Variants in FBXL13 observed in about 807,000 individuals in gnomAD.
FBXL13 encodes the protein F-box and leucine-rich repeat protein 13.
A neutral mutation model predicts 83.6 loss-of-function variants in FBXL13; 67 were observed. The observed-to-expected ratio is 0.80, with a 90% CI of 0.66 to 0.98. The LOEUF (loss-of-function observed/expected upper bound fraction) is 0.98. Ranked by LOEUF, FBXL13 falls within the 50% of genes least tolerant of loss-of-function variation. The pLI is 0.00. For missense variants in FBXL13, 822 were observed against 866.5 expected (o/e 0.95, Z 0.64); for synonymous variants, 272 against 299.5 (o/e 0.91, Z 0.95).
At chr7:102,934,805 C>A in intron 8 of FBXL13, 1 of 931,868 alleles carries the variant, frequency 1.1e-6, no homozygotes, top group Non-Finnish European at 1.6e-6. Flanking sequence ...ACCAGAAATC[C>A]TTCCCTATTG....
chr7:102,972,225 G>A (rs975849991), intron 6 of FBXL13, among the ~76,000 whole-genome samples: 3 of 152,014 alleles, frequency 2.0e-5, no homozygotes, highest in Admixed American at 6.6e-5. Flanking sequence ...TGATGAAAAC[G>A]TGGGGGTAGA....
chr7:102,973,285 C>T, intron 6 of FBXL13: 1 of 484,098 alleles, frequency 2.1e-6, no homozygotes. Flanking sequence ...TCCCAAGGCA[C>T]AAGGCCACTT....
In FBXL13 at chr7:102,816,921, C is replaced by T. The variant is rs145695761; in HGVS notation, c.2019-3390G>A. 0.014 allele frequency among the ~76,000 whole-genome samples: 2,142 copies of T among 152,328 alleles called. 119 individuals carry two copies. In the East Asian group the frequency reaches 0.16, roughly 11 times the overall value. ...ATGGCCTCCAGCCGCATCCATGTTG[C>T]TGCAAAGGACATGATTTCATTATTT... is the stretch of plus-strand genomic sequence containing the variant. On this transcript the variant is annotated intron_variant, in intron 19 of 19. Transcript: ENST00000313221.
chr7:102,956,247 G>A (rs1160744042), intron 8 of FBXL13, among the ~76,000 whole-genome samples: 1 of 152,052 alleles, frequency 6.6e-6, no homozygotes, highest in African/African-American at 2.4e-5. Flanking sequence ...ATCAATAAAC[G>A]TAATCTATCA....
intron 11 of FBXL13, among the ~76,000 whole-genome samples, chr7:102,910,273 G>C (rs1049122351): frequency 5.3e-5 from 8 of 152,114 alleles, no homozygotes; most frequent in Non-Finnish European, 8.8e-5. Flanking sequence ...GGCGATTCAG[G>C]ACTATTGTTT....
chr7:102,863,290 A>T (rs1021477393), intron 16 of FBXL13, among the ~76,000 whole-genome samples: 1 of 152,094 alleles, frequency 6.6e-6, no homozygotes, highest in Admixed American at 6.6e-5. Context: ...AACCTAGGGT[A>T]TTTGATATTT....
intron 11 of FBXL13, among the ~76,000 whole-genome samples, chr7:102,906,347 A>G (rs971551789): frequency 1.3e-5 from 2 of 152,156 alleles, no homozygotes; most frequent in Non-Finnish European, 2.9e-5. Flanking sequence ...GTTATTTTTA[A>G]TTGGTTCATC....
At chr7:102,995,919 T>C (rs1789740178) in intron 6 of FBXL13, among the ~76,000 whole-genome samples, 2 of 152,244 alleles carry the variant, frequency 1.3e-5, no homozygotes, top group Non-Finnish European at 2.9e-5. Context: ...CCAATTATTC[T>C]ACACATTTCC....
intron 18 of FBXL13, among the ~76,000 whole-genome samples, chr7:102,831,655 C>T (rs1400501034): frequency 4.6e-5 from 7 of 152,122 alleles, no homozygotes; most frequent in Non-Finnish European, 1.0e-4. Context: ...CAAAGGTACA[C>T]GGTGCTCCCA....
At chr7:102,944,315 T>C in intron 8 of FBXL13, 1 of 1,614,118 alleles carries the variant, frequency 6.2e-7, no homozygotes, top group Middle Eastern at 1.7e-4. Context: ...TTGAAACTCT[T>C]GTGGCTCAGA....
chr7:102,860,807 C>T (rs766355963), intron 16 of FBXL13, among the ~76,000 whole-genome samples: 2 of 151,818 alleles, frequency 1.3e-5, no homozygotes, highest in East Asian at 1.9e-4. Context: ...TTCAAATGTA[C>T]GGAAAGGTTT....
At chr7:102,916,238 C>T (rs934635811) in intron 10 of FBXL13, among the ~76,000 whole-genome samples, 1 of 152,096 alleles carries the variant, frequency 6.6e-6, no homozygotes, top group Non-Finnish European at 1.5e-5. Flanking sequence ...CCGCCCACCT[C>T]GGCCTCCCAA....
chr7:102,903,944 T>TTTTTC (rs1563068160), intron 11 of FBXL13, among the ~76,000 whole-genome samples: 1 of 47,778 alleles, frequency 2.1e-5, no homozygotes, highest in African/African-American at 2.8e-4. Context: ...CTTTTCTTTT[T>TTTTTC]TTTTTTTTTT....
At chr7:102,935,515 C>T (rs1820150287) in intron 8 of FBXL13, among the ~76,000 whole-genome samples, 1 of 152,100 alleles carries the variant, frequency 6.6e-6, no homozygotes, top group South Asian at 2.1e-4. Context: ...GGAAATCTTT[C>T]TAGAATATTA....
At chr7:102,942,339 T>C (rs1821623107) in intron 8 of FBXL13, 3 of 1,588,980 alleles carry the variant, frequency 1.9e-6, no homozygotes, top group South Asian at 2.3e-5. Flanking sequence ...TGATTTTTGC[T>C]GTGGTAAGTA....
At chr7:102,826,112 A>G (rs1799581620) in intron 18 of FBXL13, among the ~76,000 whole-genome samples, 1 of 152,140 alleles carries the variant, frequency 6.6e-6, no homozygotes, top group Non-Finnish European at 1.5e-5. Context: ...AGTTTGCTGA[A>G]TTATACTTTT....
At chr7:102,965,865 C>T (rs1192084672) in intron 7 of FBXL13, among the ~76,000 whole-genome samples, 4 of 152,158 alleles carry the variant, frequency 2.6e-5, no homozygotes, top group Admixed American at 2.6e-4. Flanking sequence ...GTCTAAAGTC[C>T]AGTCAATAGC....
chr7:103,064,256 T>C (rs575547116), intron 1 of FBXL13, among the ~76,000 whole-genome samples: 302 of 152,320 alleles, frequency 2.0e-3, no homozygotes, highest in Middle Eastern at 0.014. Context: ...ACAAACATTA[T>C]GGCCAGGGAA....
intron 17 of FBXL13, among the ~76,000 whole-genome samples, chr7:102,840,598 A>G (rs559501954): frequency 2.8e-4 from 43 of 152,328 alleles, no homozygotes; most frequent in Non-Finnish European, 5.1e-4. Context: ...ACAGCATCCT[A>G]TGACCTCTTC....
Sources: gnomAD v4.1 joint callset for allele counts (sites outside exome capture counted in the v4.1 genomes callset) on GRCh38, gnomAD v4.1.1 for gene constraint, MANE v1.5 for transcripts, NCBI Gene and HGNC (gene_info 2026-07-23, HGNC 2026-07-21) for gene names.